IFT81: variants seen among roughly 807,000 people sequenced by gnomAD.
IFT81 encodes intraflagellar transport protein 81 homolog.
Under a neutral mutation model 102.6 loss-of-function variants are expected in IFT81, and 72 were observed. The ratio of observed to expected loss-of-function variants is 0.70; its 90% CI spans 0.58 to 0.85. The LOEUF is 0.85. Ranked by LOEUF, IFT81 falls within the 40% of genes least tolerant of loss-of-function variation. The pLI, the probability that IFT81 is intolerant of heterozygous loss-of-function variation, is 0.00. For missense variants in IFT81, 723 were observed against 787.3 expected (o/e 0.92, Z 0.98); for synonymous variants, 237 against 242.7 (o/e 0.98, Z 0.22).
At position 110,147,238 on chromosome 12, in the gene IFT81, C is replaced by T. The variant is rs139679552; in HGVS notation, c.1041+190C>T. ...AGATGCTTATTCAAGTTTGAAATTACGATACCCCTAATAATGCTTAGTTTC... is the reference window on the plus strand; with the variant it reads ...AGATGCTTATTCAAGTTTGAAATTATGATACCCCTAATAATGCTTAGTTTC... On this transcript the variant is annotated intron_variant, in intron 10 of 18. Transcript: ENST00000242591. Among the ~76,000 whole-genome samples the T allele has an allele frequency of 3.1e-4, 47 of 152,264 alleles. No homozygotes were observed. The Middle Eastern group carries it at 0.014, about 44-fold the overall frequency.
chr12:110,189,203 C>A (rs1897683122), intron 12 of IFT81, among the ~76,000 whole-genome samples: 1 of 152,036 alleles, frequency 6.6e-6, no homozygotes, highest in South Asian at 2.1e-4. Flanking sequence ...GCCCTTGGAT[C>A]TGCTTTCTAT....
At chr12:110,210,413 TTC>T (rs1394453457) in intron 18 of IFT81, among the ~76,000 whole-genome samples, 1 of 152,220 alleles carries the variant, frequency 6.6e-6, no homozygotes, top group Non-Finnish European at 1.5e-5. Context: ...ACAACATTTT[TTC>T]TGTTTCTTCA....
chr12:110,200,012 C>T (rs937688902), intron 14 of IFT81, among the ~76,000 whole-genome samples: 7 of 152,228 alleles, frequency 4.6e-5, no homozygotes, highest in Non-Finnish European at 7.3e-5. Flanking sequence ...CACTGTGTTA[C>T]CAAGACTGAC....
intron 12 of IFT81, among the ~76,000 whole-genome samples, chr12:110,188,234 AGGCAGGAGAAT>A (rs1366640070): frequency 1.3e-5 from 2 of 151,730 alleles, no homozygotes; most frequent in Non-Finnish European, 2.9e-5. Flanking sequence ...CGGGAGGCTG[AGGCAGGAGAAT>A]GGCATGAACC....
intron 10 of IFT81, among the ~76,000 whole-genome samples, chr12:110,158,516 G>T (rs1254060966): frequency 6.6e-6 from 1 of 151,582 alleles, no homozygotes; most frequent in African/African-American, 2.4e-5. Flanking sequence ...GATTATAGGT[G>T]TGAGCCACTG....
rs562385553 is a variant in IFT81, at chr12:110,163,761, G to A, written c.1188+696G>A. On this transcript the variant is annotated intron_variant, in intron 11 of 18. Coordinates refer to ENST00000242591, the MANE Select transcript of IFT81 (RefSeq NM_014055.4). ...CTCCTGAGTAGCTGGGATTACAGGT[G>A]GACGTCACCAGGCCTGGCTAATTTT... 5.7e-4 allele frequency among the ~76,000 whole-genome samples: 87 copies of A among 151,830 alleles called. No individual in the cohort carries two copies. In the South Asian group the frequency reaches 0.012, roughly 21 times the overall value.
intron 1 of IFT81, 124 bp from the exon 2 acceptor site, chr12:110,127,235 CA>C: frequency 1.1e-6 from 1 of 934,206 alleles, no homozygotes; most frequent in Non-Finnish European, 1.5e-6. Context: ...ACCCTTTTCA[CA>C]GCATTTTGTA....
rs1897281979 is a variant in IFT81 at position 110,180,571 on chromosome 12, G to A, written c.1338G>A (p.Leu446=). ...GTCATGAAAATATTCAACAACAACT[G>A]GTAATACAGTATTATCTTGGGCTAC... The part of the protein sequence containing the change: ...KQRHENIQQQ[L]QTMEEKKGIS... The change falls in exon 12 of 19, where the codon CTG becomes CTA. Residue 446 remains leucine, a splice_region_variant and synonymous_variant. Coordinates refer to ENST00000242591, the MANE Select transcript of IFT81 (RefSeq NM_014055.4). 6.3e-7 allele frequency: 1 copy of A among 1,597,806 alleles called. No individual in the cohort carries two copies. The highest frequency in any genetic ancestry group is 1.3e-5 in the African/African-American group (1 of 74,670).
chr12:110,186,474 G>C (rs947453217), intron 12 of IFT81, among the ~76,000 whole-genome samples: 3 of 151,794 alleles, frequency 2.0e-5, no homozygotes, highest in African/African-American at 7.3e-5. Flanking sequence ...TATTTATTAT[G>C]TCTTTCTTTC....
chr12:110,130,492 C>T (rs1339140134), intron 4 of IFT81, among the ~76,000 whole-genome samples: 1 of 151,818 alleles, frequency 6.6e-6, no homozygotes, highest in African/African-American at 2.4e-5. Context: ...GCCTCAGCCT[C>T]CTTAGTAGCT....
intron 10 of IFT81, among the ~76,000 whole-genome samples, chr12:110,151,277 A>ATGTT (rs1366420941): frequency 1.3e-5 from 2 of 152,174 alleles, no homozygotes; most frequent in Non-Finnish European, 2.9e-5. Flanking sequence ...ATATTTTAAT[A>ATGTT]TGTTATTCCT....
At chr12:110,203,423 T>G (rs1898405175) in intron 14 of IFT81, 1 of 167,124 alleles carries the variant, frequency 6.0e-6, no homozygotes, top group Admixed American at 5.7e-5. Context: ...ACCTAACTGT[T>G]CTTACTAATC....
At chr12:110,181,754 C>T (rs77318918) in intron 12 of IFT81, among the ~76,000 whole-genome samples, 3,530 of 151,910 alleles carry the variant, frequency 0.023, 126 homozygotes, top group African/African-American at 0.08. Context: ...TTTTTTAGTT[C>T]CATCAGTTTT....
At chr12:110,198,878 C>T (rs1356695090) in intron 14 of IFT81, among the ~76,000 whole-genome samples, 2 of 150,334 alleles carry the variant, frequency 1.3e-5, no homozygotes, top group Admixed American at 1.3e-4. Flanking sequence ...GTTGCAGTCT[C>T]AGCTCACTGC....
chr12:110,134,744 A>C (rs532210264), intron 5 of IFT81, among the ~76,000 whole-genome samples: 61 of 152,312 alleles, frequency 4.0e-4, no homozygotes, highest in African/African-American at 1.5e-3. Context: ...TTCTGGATGA[A>C]CACCAAGCTG....
Position 110,205,459 on chromosome 12 carries a change from G to A in IFT81, c.1661G>A (p.Arg554His), listed in dbSNP as rs774113612. 9 of 1,601,598 alleles carry A rather than the reference G, an allele frequency of 5.6e-6. No individual in the cohort carries two copies. The highest frequency in any genetic ancestry group is 5.2e-5 in the Admixed American group (3 of 57,436). Residue 554 changes from arginine to histidine, a missense_variant, in exon 16 of 19, where the codon CGT (arginine) becomes CAT (histidine). Coordinates refer to ENST00000242591, the MANE Select transcript of IFT81 (RefSeq NM_014055.4). The part of the protein sequence containing the change: ...SKLEQEVRRL[R>H]EECLQEESRY... Reference sequence around the variant, plus strand: ...ATATTATAGGAAGTTAGAAGACTCCGTGAAGAATGTCTTCAAGAAGAAAGT... The same window carrying A: ...ATATTATAGGAAGTTAGAAGACTCCATGAAGAATGTCTTCAAGAAGAAAGT...
intron 8 of IFT81, among the ~76,000 whole-genome samples, chr12:110,143,073 T>C (rs1382949919): frequency 6.6e-6 from 1 of 152,164 alleles, no homozygotes; most frequent in Non-Finnish European, 1.5e-5. Context: ...CAACAATGTA[T>C]CTGGCTCAGC....
At chr12:110,135,128 A>G in intron 6 of IFT81, 115 bp downstream of exon 6, 1 of 846,000 alleles carries the variant, frequency 1.2e-6, no homozygotes, top group Non-Finnish European at 1.9e-6. Context: ...GGATGGACTC[A>G]AATAACATTG....
chr12:110,131,974 A>T (rs1437156547), intron 4 of IFT81, among the ~76,000 whole-genome samples: 1 of 152,222 alleles, frequency 6.6e-6, no homozygotes, highest in Admixed American at 6.5e-5. Context: ...TCAGGAACTC[A>T]GACATCAACA....
Sources: gnomAD v4.1 joint callset for allele counts (sites outside exome capture counted in the v4.1 genomes callset) on GRCh38, gnomAD v4.1.1 for gene constraint, MANE v1.5 for transcripts, NCBI Gene and HGNC (gene_info 2026-07-23, HGNC 2026-07-21) for gene names.